The following UST variants were observed in gnomAD, a reference collection of about 807,000 sequenced individuals.
The protein encoded by UST is uronyl 2-sulfotransferase.
In UST, 21 loss-of-function variants were observed where a neutral mutation model predicts 45.6. That is an observed-to-expected ratio of 0.46 (90% CI 0.33 to 0.66). The LOEUF is 0.66. Among genes scored for constraint, UST ranks in the 30% least tolerant of loss-of-function variants. The pLI is 0.02. For synonymous variants in UST, 215 were observed against 200.6 expected (o/e 1.07, Z -0.61); for missense variants, 463 against 512.4 (o/e 0.90, Z 0.93).
At chr6:148,747,785 C>G in intron 1 of UST, 108 bp downstream of exon 1, 1 of 1,370,932 alleles carries the variant, frequency 7.3e-7, no homozygotes, top group Non-Finnish European at 9.5e-7. Flanking sequence ...GCCGCCGCCG[C>G]CCCGGGTCTC....
chr6:148,916,933 G>T (rs1490836345), intron 2 of UST, among the ~76,000 whole-genome samples: 1 of 152,236 alleles, frequency 6.6e-6, no homozygotes, highest in Non-Finnish European at 1.5e-5. Flanking sequence ...TCATCACGTT[G>T]CATAGTTAGA....
chr6:149,036,537 T>C (rs1776241920), intron 7 of UST, among the ~76,000 whole-genome samples: 1 of 152,246 alleles, frequency 6.6e-6, no homozygotes, highest in Non-Finnish European at 1.5e-5. Context: ...TGAAGGCATG[T>C]AATCAGCCCA....
intron 1 of UST, among the ~76,000 whole-genome samples, chr6:148,803,117 T>TGATA (rs1480826111): frequency 6.6e-6 from 1 of 152,156 alleles, no homozygotes; most frequent in African/African-American, 2.4e-5. Context: ...TGGAATAAGA[T>TGATA]GATACTGTTG....
At chr6:148,945,473 T>A (rs966037956) in intron 3 of UST, among the ~76,000 whole-genome samples, 1 of 152,178 alleles carries the variant, frequency 6.6e-6, no homozygotes, top group Non-Finnish European at 1.5e-5. Context: ...ACTTTTTCTT[T>A]AATGAAGTGT....
chr6:148,820,213 A>G (rs1777430235), intron 1 of UST, among the ~76,000 whole-genome samples: 1 of 152,218 alleles, frequency 6.6e-6, no homozygotes, highest in South Asian at 2.1e-4. Context: ...TTACAAACTT[A>G]TGGAAAAATT....
At chr6:148,830,349 G>A (rs9390614) in intron 1 of UST, among the ~76,000 whole-genome samples, 11,196 of 152,266 alleles carry the variant, frequency 0.074, 614 homozygotes, top group East Asian at 0.3. Context: ...CTAGTTTAGA[G>A]CACAAAAGAG....
At chr6:148,982,275 T>G (rs1781152314) in intron 5 of UST, among the ~76,000 whole-genome samples, 1 of 152,086 alleles carries the variant, frequency 6.6e-6, no homozygotes, top group South Asian at 2.1e-4. Flanking sequence ...ATTTTTTTAT[T>G]TTTAGTAGAG....
chr6:148,772,812 A>G (rs1776458218), intron 1 of UST, among the ~76,000 whole-genome samples: 1 of 152,220 alleles, frequency 6.6e-6, no homozygotes, highest in African/African-American at 2.4e-5. Context: ...AAATGAACAT[A>G]TTTTGAATGT....
chr6:148,781,416 G>C (rs1195778160), intron 1 of UST, among the ~76,000 whole-genome samples: 2 of 152,160 alleles, frequency 1.3e-5, no homozygotes, highest in African/African-American at 4.8e-5. Flanking sequence ...TTCTATGAAG[G>C]CTGAGAGAGG....
chr6:149,003,787 G>T (rs1360012088), intron 5 of UST, among the ~76,000 whole-genome samples: 1 of 152,198 alleles, frequency 6.6e-6, no homozygotes, highest in Non-Finnish European at 1.5e-5. Context: ...ATCTGCAGGT[G>T]TGGCTTTTAG....
intron 1 of UST, among the ~76,000 whole-genome samples, chr6:148,807,683 T>C (rs1430831146): frequency 2.6e-5 from 4 of 152,070 alleles, no homozygotes; most frequent in African/African-American, 7.2e-5. Flanking sequence ...AGCAAGGGTG[T>C]TAGGGGGCTT....
At chr6:148,775,397 T>G (rs1476545518) in intron 1 of UST, among the ~76,000 whole-genome samples, 1 of 152,150 alleles carries the variant, frequency 6.6e-6, no homozygotes, top group Non-Finnish European at 1.5e-5. Flanking sequence ...GGCAGTTTCC[T>G]TTTGCAGATT....
intron 7 of UST, among the ~76,000 whole-genome samples, chr6:149,056,591 A>C (rs1479455307): frequency 6.6e-6 from 1 of 152,190 alleles, no homozygotes; most frequent in Non-Finnish European, 1.5e-5. Flanking sequence ...TGGTTAAAGC[A>C]ATTTGGATGT....
At chr6:148,762,347 T>C (rs1296856838) in intron 1 of UST, among the ~76,000 whole-genome samples, 1 of 152,158 alleles carries the variant, frequency 6.6e-6, no homozygotes, top group Non-Finnish European at 1.5e-5. Context: ...TCCTATTCCT[T>C]GTGGCTGAAG....
At chr6:148,845,894 G>A (rs922510023) in intron 1 of UST, among the ~76,000 whole-genome samples, 2 of 151,460 alleles carry the variant, frequency 1.3e-5, no homozygotes, top group Non-Finnish European at 2.9e-5. Context: ...AAACCACAAT[G>A]AGATACCATC....
chr6:148,757,320 G>C (rs1415588522), intron 1 of UST, among the ~76,000 whole-genome samples: 2 of 152,240 alleles, frequency 1.3e-5, no homozygotes, highest in African/African-American at 4.8e-5. Context: ...CTTGTTACTT[G>C]TCATTTTCTG....
At chr6:148,855,434 C>A (rs1778186373) in intron 1 of UST, among the ~76,000 whole-genome samples, 1 of 152,186 alleles carries the variant, frequency 6.6e-6, no homozygotes, top group Non-Finnish European at 1.5e-5. Context: ...TAAAGAAATA[C>A]CCACTTCTGG....
rs149753044 is a variant in UST at position 148,833,263 on chromosome 6, G to A, written c.248-53723G>A. Among the ~76,000 whole-genome samples the A allele has an allele frequency of 4.6e-5, 7 of 152,288 alleles. No individual in the cohort carries two copies. In the East Asian group the frequency reaches 1.4e-3, roughly 29 times the overall value. ...AGCACTTTGTGAGGCCAGGGCGGAC[G>A]GATTGCTCGAGTTCGGGAGTTGGAG... On this transcript the variant is annotated intron_variant, in intron 1 of 7. Coordinates refer to ENST00000367463, the MANE Select transcript of UST (RefSeq NM_005715.3).
chr6:148,840,783 C>T (rs886246340), intron 1 of UST, among the ~76,000 whole-genome samples: 1 of 152,202 alleles, frequency 6.6e-6, no homozygotes, highest in South Asian at 2.1e-4. Flanking sequence ...TCAACTAATG[C>T]TCTTTGGCAT....
Sources: gnomAD v4.1 joint callset for allele counts (sites outside exome capture counted in the v4.1 genomes callset) on GRCh38, gnomAD v4.1.1 for gene constraint, MANE v1.5 for transcripts, NCBI Gene and HGNC (gene_info 2026-07-23, HGNC 2026-07-21) for gene names.